The following TBC1D22A variants were observed in gnomAD, a reference collection of about 807,000 sequenced individuals.
The protein encoded by TBC1D22A is TBC1 domain family member 22A, also known as putative GTPase activator.
A neutral mutation model predicts 60.2 loss-of-function variants in TBC1D22A; 38 were observed. The ratio of observed to expected loss-of-function variants is 0.63; its 90% CI spans 0.49 to 0.83. The LOEUF (loss-of-function observed/expected upper bound fraction) is 0.83. Among genes scored for constraint, TBC1D22A ranks in the 40% least tolerant of loss-of-function variants. The pLI, the probability that TBC1D22A is intolerant of heterozygous loss-of-function variation, is 0.00. For missense variants in TBC1D22A, 628 were observed against 701.0 expected (o/e 0.90, Z 1.18); for synonymous variants, 302 against 281.7 (o/e 1.07, Z -0.72).
chr22:47,069,200 G>T (rs1262920128), intron 11 of TBC1D22A, among the ~76,000 whole-genome samples: 2 of 152,228 alleles, frequency 1.3e-5, no homozygotes, highest in African/African-American at 4.8e-5. Flanking sequence ...GAATTCATTT[G>T]ACTCAATTTC....
intron 11 of TBC1D22A, among the ~76,000 whole-genome samples, chr22:47,087,490 C>CA (rs942272127): frequency 3.3e-5 from 5 of 152,172 alleles, no homozygotes; most frequent in African/African-American, 4.8e-5. Flanking sequence ...TGACTTCAAA[C>CA]AGACTTTGAA....
At chr22:46,847,787 C>T (rs553905730) in intron 4 of TBC1D22A, among the ~76,000 whole-genome samples, 31 of 152,244 alleles carry the variant, frequency 2.0e-4, no homozygotes, top group African/African-American at 7.5e-4. Flanking sequence ...CCCACTCATT[C>T]CAGGGAGGGA....
At chr22:47,155,160 G>A (rs1239370599) in intron 12 of TBC1D22A, among the ~76,000 whole-genome samples, 1 of 152,078 alleles carries the variant, frequency 6.6e-6, no homozygotes, top group Non-Finnish European at 1.5e-5. Context: ...GCTCCATGCC[G>A]AGCCCATGTT....
chr22:47,035,063 C>T (rs2062611868), intron 10 of TBC1D22A, among the ~76,000 whole-genome samples: 1 of 152,178 alleles, frequency 6.6e-6, no homozygotes, highest in South Asian at 2.1e-4. Flanking sequence ...GTGTGGGCAT[C>T]TGTGGCCGTG....
intron 10 of TBC1D22A, among the ~76,000 whole-genome samples, chr22:47,011,885 G>A (rs1682891085): frequency 2.6e-5 from 4 of 152,024 alleles, no homozygotes; most frequent in African/African-American, 9.7e-5. Context: ...CTGTAAAAGT[G>A]ACAGAATACA....
chr22:46,941,292 T>G (rs1860619340), intron 8 of TBC1D22A, among the ~76,000 whole-genome samples: 2 of 148,570 alleles, frequency 1.3e-5, no homozygotes, highest in South Asian at 4.2e-4. Flanking sequence ...TATATGTATA[T>G]ACACAGTCTA....
chr22:46,833,477 C>T (rs1207542519), intron 4 of TBC1D22A, among the ~76,000 whole-genome samples: 2 of 152,204 alleles, frequency 1.3e-5, no homozygotes, highest in African/African-American at 4.8e-5. Flanking sequence ...CTGAGTCCCA[C>T]GGCACATTCT....
chr22:46,998,001 C>T (rs186494400), intron 10 of TBC1D22A, among the ~76,000 whole-genome samples: 6 of 152,248 alleles, frequency 3.9e-5, no homozygotes, highest in East Asian at 3.9e-4. Flanking sequence ...ATCTAGGTGA[C>T]GGATGGTTGT....
Position 46,798,577 on chromosome 22 carries a change from C to T in TBC1D22A, c.637+957C>T, listed in dbSNP as rs748377059. On this transcript the variant is annotated intron_variant, in intron 4 of 12. Transcript: ENST00000337137. The stretch of plus-strand genomic sequence containing the variant: ...TCTGGTGGAATTCCTGCTGAATCCA[C>T]GTCCTTCCTTTCCCTATCTCATCTT... 2.6e-4 allele frequency among the ~76,000 whole-genome samples: 40 copies of T among 152,268 alleles called. 1 individual carries two copies. Among genetic ancestry groups the T allele is most frequent in the Admixed American group, 6.5e-4 (10 of 15,292 alleles).
chr22:46,853,171 G>T (rs1381175699), intron 4 of TBC1D22A, among the ~76,000 whole-genome samples: 1 of 152,122 alleles, frequency 6.6e-6, no homozygotes, highest in African/African-American at 2.4e-5. Flanking sequence ...CAAAGCATTT[G>T]CCCCTCTCTG....
At chr22:47,148,495 C>T (rs2067370435) in intron 12 of TBC1D22A, among the ~76,000 whole-genome samples, 1 of 151,872 alleles carries the variant, frequency 6.6e-6, no homozygotes, top group South Asian at 2.1e-4. Context: ...CGCTTGAGAC[C>T]CTGGAGTTGG....
chr22:46,954,834 G>A (rs189104019), intron 8 of TBC1D22A, among the ~76,000 whole-genome samples: 1 of 152,278 alleles, frequency 6.6e-6, no homozygotes, highest in Non-Finnish European at 1.5e-5. Flanking sequence ...CAAGTGAAGT[G>A]GAAATAATTG....
intron 8 of TBC1D22A, among the ~76,000 whole-genome samples, chr22:46,968,025 G>C (rs1453026360): frequency 6.6e-6 from 1 of 152,230 alleles, no homozygotes; most frequent in South Asian, 2.1e-4. Flanking sequence ...GTGGGGGGCC[G>C]TGAGGGAAAT....
At chr22:47,041,390 A>C (rs538952821) in intron 11 of TBC1D22A, among the ~76,000 whole-genome samples, 1 of 152,264 alleles carries the variant, frequency 6.6e-6, no homozygotes, top group East Asian at 1.9e-4. Flanking sequence ...GAGCCGCCTC[A>C]CACCGCACTC....
intron 7 of TBC1D22A, among the ~76,000 whole-genome samples, chr22:46,899,858 G>A (rs1187000752): frequency 6.6e-6 from 1 of 152,128 alleles, no homozygotes; most frequent in Admixed American, 6.5e-5. Context: ...TTAGCTGTAT[G>A]GATCAGGGAA....
At chr22:46,935,577 C>T (rs2071599700) in intron 8 of TBC1D22A, among the ~76,000 whole-genome samples, 1 of 152,210 alleles carries the variant, frequency 6.6e-6, no homozygotes, top group African/African-American at 2.4e-5. Context: ...TGACATTTCT[C>T]CCTGTGATTC....
intron 11 of TBC1D22A, among the ~76,000 whole-genome samples, chr22:47,088,915 G>C (rs534345696): frequency 2.0e-5 from 3 of 152,178 alleles, no homozygotes; most frequent in Non-Finnish European, 4.4e-5. Context: ...CATCTGCATA[G>C]GATCCAGCCT....
intron 4 of TBC1D22A, among the ~76,000 whole-genome samples, chr22:46,868,255 T>C (rs1490655304): frequency 6.6e-6 from 1 of 152,206 alleles, no homozygotes. Flanking sequence ...CAACCACAGA[T>C]TGTCCTCACG....
chr22:47,162,460 C>G (rs1321985653), intron 12 of TBC1D22A, among the ~76,000 whole-genome samples: 3 of 152,184 alleles, frequency 2.0e-5, no homozygotes, highest in Non-Finnish European at 4.4e-5. Context: ...CTTGACCGAG[C>G]CTCCTGCATA....
Sources: allele counts gnomAD v4.1 joint callset (sites outside exome capture counted in the v4.1 genomes callset), GRCh38; gene constraint gnomAD v4.1.1; transcripts MANE v1.5; gene names NCBI Gene and HGNC (gene_info 2026-07-23, HGNC 2026-07-21).